The following POMGNT2 variants were observed in gnomAD, a reference collection of about 807,000 sequenced individuals.
POMGNT2 encodes protein O-linked mannose N-acetylglucosaminyltransferase 2 (beta 1,4-), also known as protein O-linked-mannose beta-1,4-N-acetylglucosaminyltransferase 2.
In POMGNT2, 32 loss-of-function variants were observed where a neutral mutation model predicts 37.8. That is an observed-to-expected ratio of 0.85 (90% confidence interval 0.64 to 1.14). POMGNT2 has a LOEUF of 1.14. Ranked by LOEUF, POMGNT2 falls within the 50% of genes most tolerant of loss-of-function variation. The pLI, the probability that POMGNT2 is intolerant of heterozygous loss-of-function variation, is 0.00. For missense variants in POMGNT2, 705 were observed against 780.6 expected (o/e 0.90, Z 1.15); for synonymous variants, 340 against 336.8 (o/e 1.01, Z -0.10).
intron 1 of POMGNT2, among the ~76,000 whole-genome samples, chr3:43,104,424 A>T (rs139374239): frequency 1.3e-5 from 2 of 152,370 alleles, no homozygotes; most frequent in East Asian, 3.9e-4. Context: ...CAAGGCTCAG[A>T]GCAAGAACTT....
At chr3:43,103,306 G>A (rs1445861351) in intron 1 of POMGNT2, among the ~76,000 whole-genome samples, 2 of 152,214 alleles carry the variant, frequency 1.3e-5, no homozygotes, top group East Asian at 3.9e-4. Flanking sequence ...CTCAAGGGCT[G>A]CTCTCCCTCA....
rs752449605 is a variant in POMGNT2 at position 43,081,223 on chromosome 3, G to A, written c.209C>T (p.Thr70Met). 12 of 1,613,778 alleles carry A rather than the reference G, an allele frequency of 7.4e-6. No homozygotes were observed. The highest frequency in any genetic ancestry group is 1.1e-5 in the South Asian group (1 of 91,086). ...GATGCGGTCTGTGTGCGTGCGGCCC[G>A]TGCACACCATGTGTGTGCCGCCCTC... ...LMEGGTHMVC[T>M]GRTHTDRICR... is the part of the protein sequence containing the mutation. Residue 70 changes from threonine to methionine, a missense_variant, in exon 2 of 2, where the codon ACG becomes ATG. Transcript: ENST00000344697.
chr3:43,097,126 G>C (rs1361087496), intron 1 of POMGNT2, among the ~76,000 whole-genome samples: 1 of 152,210 alleles, frequency 6.6e-6, no homozygotes, highest in Non-Finnish European at 1.5e-5. Context: ...CACGGGCACA[G>C]AAAAGCCCAT....
chr3:43,090,919 G>GT (rs1236626977), intron 1 of POMGNT2, among the ~76,000 whole-genome samples: 2 of 152,204 alleles, frequency 1.3e-5, no homozygotes, highest in Non-Finnish European at 2.9e-5. Context: ...ACTGGCAGTT[G>GT]TAAGAGGAAC....
At chr3:43,100,030 G>C (rs2090006125) in intron 1 of POMGNT2, among the ~76,000 whole-genome samples, 1 of 151,998 alleles carries the variant, frequency 6.6e-6, no homozygotes, top group East Asian at 1.9e-4. Flanking sequence ...CTGGCTACAG[G>C]GTCTGCGATC....
At chr3:43,087,874 T>A (rs1178341590) in intron 1 of POMGNT2, 1 of 152,200 alleles carries the variant, frequency 6.6e-6, no homozygotes, top group African/African-American at 2.4e-5. Context: ...ACAGAAAGAC[T>A]TGGGTTCAAA....
chr3:43,103,038 G>A (rs2090030877), intron 1 of POMGNT2, among the ~76,000 whole-genome samples: 1 of 152,090 alleles, frequency 6.6e-6, no homozygotes, highest in Non-Finnish European at 1.5e-5. Flanking sequence ...CTCACCCTAA[G>A]GAGAGTCTAA....
chr3:43,100,309 T>C lies in POMGNT2; in HGVS notation c.-106+5527A>G, dbSNP rs144765164. The stretch of plus-strand genomic sequence containing the variant: ...CAATATAGTATAACAACTATTTACA[T>C]AGCATTTACATTGTATTAGGTATTA... On this transcript the variant is annotated intron_variant, in intron 1 of 1. Transcript: ENST00000344697. Among the ~76,000 whole-genome samples the C allele has an allele frequency of 5.9e-5, 9 of 152,346 alleles. No homozygotes were observed. The East Asian group carries it at 1.3e-3, about 23-fold the overall frequency.
intron 1 of POMGNT2, among the ~76,000 whole-genome samples, chr3:43,091,346 A>G (rs544469518): frequency 6.6e-5 from 10 of 152,322 alleles, no homozygotes; most frequent in African/African-American, 2.2e-4. Flanking sequence ...AATCTTGGAT[A>G]ATTTTAGTAC....
chr3:43,090,675 G>T (rs553260297), intron 1 of POMGNT2: 1 of 152,150 alleles, frequency 6.6e-6, no homozygotes, highest in Non-Finnish European at 1.5e-5. Context: ...AAAAAAAAAG[G>T]ATAAAATAAG....
At chr3:43,101,192 T>C (rs534273725) in intron 1 of POMGNT2, among the ~76,000 whole-genome samples, 18 of 152,308 alleles carry the variant, frequency 1.2e-4, no homozygotes, top group Middle Eastern at 3.4e-3. Flanking sequence ...TATGGGCACA[T>C]ATGATTCCCA....
chr3:43,105,577 G>GGCCCCCT (rs2090052361), intron 1 of POMGNT2, among the ~76,000 whole-genome samples: 1 of 4,224 alleles, frequency 2.4e-4, no homozygotes, highest in Non-Finnish European at 4.9e-4. Context: ...CCCGGCCCCC[G>GGCCCCCT]ACCCCCAATC....
At chr3:43,086,614 C>A (rs1288778589) in intron 1 of POMGNT2, among the ~76,000 whole-genome samples, 1 of 152,224 alleles carries the variant, frequency 6.6e-6, no homozygotes, top group African/African-American at 2.4e-5. Flanking sequence ...TGCAGAACTT[C>A]AGATCAGGTC....
chr3:43,104,121 G>A (rs2090039587), intron 1 of POMGNT2, among the ~76,000 whole-genome samples: 1 of 152,200 alleles, frequency 6.6e-6, no homozygotes, highest in Non-Finnish European at 1.5e-5. Context: ...GAGGCATTAA[G>A]TGAATTGCCC....
chr3:43,081,474 G>A lies in POMGNT2; in HGVS notation c.-43C>T, dbSNP rs2936818. The A allele has an allele frequency of 0.47, 684,520 of 1,460,022 alleles. 163,239 individuals carry two copies. The highest frequency in any genetic ancestry group is 0.61 in the East Asian group (24,947 of 40,880). 90.4% of individuals were successfully genotyped at this position (1,460,022 alleles called of 1,614,324 possible). Reference sequence around the variant, plus strand: ...GCCCTAATGAGATGACGGCCACTGGGAAGCACCACAGGCCAGGCAGGCTTC... The same window carrying A: ...GCCCTAATGAGATGACGGCCACTGGAAAGCACCACAGGCCAGGCAGGCTTC... On this transcript the variant is annotated 5_prime_UTR_variant, in exon 2 of 2. Coordinates refer to ENST00000344697, the MANE Select transcript of POMGNT2 (RefSeq NM_032806.6).
chr3:43,097,124 C>G (rs969975485), intron 1 of POMGNT2, among the ~76,000 whole-genome samples: 2 of 152,104 alleles, frequency 1.3e-5, no homozygotes, highest in Non-Finnish European at 1.5e-5. Context: ...GACACGGGCA[C>G]AGAAAAGCCC....
At chr3:43,101,383 A>G (rs1237098408) in intron 1 of POMGNT2, among the ~76,000 whole-genome samples, 2 of 152,148 alleles carry the variant, frequency 1.3e-5, no homozygotes, top group African/African-American at 2.4e-5. Flanking sequence ...CCTGCCTGGA[A>G]GTGGTCTAGC....
At chr3:43,101,218 C>G (rs2090016383) in intron 1 of POMGNT2, among the ~76,000 whole-genome samples, 1 of 152,208 alleles carries the variant, frequency 6.6e-6, no homozygotes, top group South Asian at 2.1e-4. Context: ...TCCTGCCCAG[C>G]ACAGCTGTGC....
intron 1 of POMGNT2, among the ~76,000 whole-genome samples, chr3:43,097,749 G>A (rs753844045): frequency 3.3e-5 from 5 of 152,158 alleles, no homozygotes; most frequent in African/African-American, 1.2e-4. Flanking sequence ...GATTTTCCCA[G>A]AGAAGCAAAA....
Sources: gnomAD v4.1 joint callset for allele counts (sites outside exome capture counted in the v4.1 genomes callset) on GRCh38, gnomAD v4.1.1 for gene constraint, MANE v1.5 for transcripts, NCBI Gene and HGNC (gene_info 2026-07-23, HGNC 2026-07-21) for gene names.